The following C2CD3 variants were observed in gnomAD, a reference collection of about 807,000 sequenced individuals.
C2CD3 encodes the protein C2 domain containing 3 centriole elongation regulator.
In C2CD3, 148 loss-of-function variants were observed where a neutral mutation model predicts 234.0. The observed-to-expected ratio is 0.63, with a 90% CI of 0.55 to 0.72. The LOEUF is 0.72. C2CD3 is among the 30% of genes least tolerant of loss of function. The probability of loss-of-function intolerance (pLI) is 0.00; values close to 1 mark genes in which losing one functional copy is unlikely to be tolerated. For missense variants in C2CD3, 2,577 were observed against 2,811.5 expected, an observed-to-expected ratio of 0.92 and a Z score of 1.89; for synonymous variants, 1,000 against 1,035.4, an observed-to-expected ratio of 0.97 and a Z score of 0.66.
intron 20 of C2CD3, among the ~76,000 whole-genome samples, chr11:74,086,299 C>T (rs538855238): frequency 1.7e-4 from 26 of 152,324 alleles, no homozygotes; most frequent in South Asian, 2.1e-4. Context: ...TGTTAGCTGA[C>T]TTGAGTGAGG....
In C2CD3 at chr11:74,114,542, C is replaced by G; in HGVS notation, c.1572G>C (p.Thr524=). The G allele has an allele frequency of 6.2e-7, 1 of 1,613,944 alleles. No homozygotes were observed. Among genetic ancestry groups the G allele is most frequent in the Non-Finnish European group, 8.5e-7 (1 of 1,179,934 alleles). The part of the protein sequence containing the change: ...MLSETPEDAQ[T]MTLSVDRLAL... ...CCAGTCTATCCACACTTAGTGTCAT[C>G]GTTTGGGCATCTTCTGGAGTTTCTG... Residue 524 remains threonine (T), a synonymous_variant, in exon 10 of 33, where the codon ACG becomes ACC. Transcript: ENST00000334126.
intron 3 of C2CD3, among the ~76,000 whole-genome samples, chr11:74,160,137 G>A (rs915699043): frequency 6.6e-6 from 1 of 152,122 alleles, no homozygotes; most frequent in Non-Finnish European, 1.5e-5. Context: ...GTGTATAGTA[G>A]GCTATACCAT....
At chr11:74,115,646 AAAAAGAGCCC>A in intron 9 of C2CD3, among the ~76,000 whole-genome samples, 1 of 152,182 alleles carries the variant, frequency 6.6e-6, no homozygotes, top group East Asian at 1.9e-4. Flanking sequence ...TATGGAACCA[AAAAAGAGCCC>A]ACATAGCCAA....
intron 17 of C2CD3, 103 bp from the exon 18 acceptor site, chr11:74,094,102 G>C: frequency 1.1e-6 from 1 of 904,676 alleles, no homozygotes. Flanking sequence ...TTCCCTAGTA[G>C]TTATGGTTCC....
chr11:74,135,347 A>G (rs1030194969), intron 5 of C2CD3, among the ~76,000 whole-genome samples: 8 of 151,608 alleles, frequency 5.3e-5, no homozygotes. Context: ...GACTCACTGG[A>G]GCCTCGACCT....
chr11:74,044,841 G>A (rs1243857968), intron 28 of C2CD3, among the ~76,000 whole-genome samples: 1 of 151,086 alleles, frequency 6.6e-6, no homozygotes. Flanking sequence ...ATTCGCTTAG[G>A]ATAATGGCCT....
At position 74,103,319 on chromosome 11, in the gene C2CD3, T is replaced by C. The variant is rs1302246678; in HGVS notation, c.2392A>G (p.Thr798Ala). The change falls in exon 14 of 33, where the codon ACA becomes GCA. Residue 798 changes from threonine (T) to alanine (A), a missense_variant. By Grantham distance (58) the Thr-to-Ala change is moderately conservative. Transcript: ENST00000334126. The part of the protein sequence containing the change: ...HNLVNQTNGT[T>A]KESALLLHVL... ...TGCAACAGCAAAGCACTCTCTTTTG[T>C]TGTCCCATTTGTCTGATTGACTAAA... 3 of 1,614,100 alleles carry C rather than the reference T, an allele frequency of 1.9e-6. No individual in the cohort carries two copies. The highest frequency in any genetic ancestry group is 1.1e-5 in the South Asian group (1 of 91,092).
At chr11:74,027,652 TTGTC>T (rs1952358719) in intron 32 of C2CD3, among the ~76,000 whole-genome samples, 1 of 152,192 alleles carries the variant, frequency 6.6e-6, no homozygotes, top group Non-Finnish European at 1.5e-5. Flanking sequence ...GATAGGGAAT[TTGTC>T]TGTCTTATTT....
intron 25 of C2CD3, among the ~76,000 whole-genome samples, chr11:74,055,588 C>G (rs550367407): frequency 6.6e-6 from 1 of 152,308 alleles, no homozygotes; most frequent in Non-Finnish European, 1.5e-5. Context: ...GATTCTAATT[C>G]TAGCTGGGAA....
In C2CD3 at chr11:74,095,219, TA is replaced by T; in HGVS notation, c.3160+8del. The T allele has an allele frequency of 1.2e-6, 2 of 1,600,968 alleles. No individual in the cohort carries two copies. The highest frequency in any genetic ancestry group is 1.1e-5 in the South Asian group (1 of 89,176). ...TATAAGAATAAGAAAGCCTAATATC[TA>T]AACCTACCATTTTCAAGGAACTCAG... is the stretch of plus-strand genomic sequence containing the variant. On this transcript the variant is annotated splice_region_variant and intron_variant, in intron 17 of 32. Coordinates refer to ENST00000334126, the MANE Select transcript of C2CD3 (RefSeq NM_001286577.2).
chr11:74,139,919 CATTCCCTACA>C, intron 3 of C2CD3, 91 bp from the exon 4 acceptor site: 1 of 683,324 alleles, frequency 1.5e-6, no homozygotes, highest in Admixed American at 2.1e-5. Flanking sequence ...TAATGTCCCC[CATTCCCTACA>C]GGATTGTAAG....
At chr11:74,142,010 T>G (rs990348122) in intron 3 of C2CD3, 1 of 152,338 alleles carries the variant, frequency 6.6e-6, no homozygotes, top group Non-Finnish European at 1.5e-5. Flanking sequence ...TCAAAAAAAA[T>G]AACCCCCTCC....
intron 2 of C2CD3, among the ~76,000 whole-genome samples, chr11:74,167,543 T>G (rs1478070030): frequency 6.6e-6 from 1 of 152,238 alleles, no homozygotes; most frequent in Non-Finnish European, 1.5e-5. Context: ...TCAAAAATTT[T>G]TTCTCGAGAG....
rs756237014 is a variant in C2CD3 at position 74,085,922 on chromosome 11, TG to T, written c.3642-37del. On this transcript the variant is annotated intron_variant, in intron 20 of 32. Transcript: ENST00000334126. ...GAAGGGTGGAAATGAGAAGATACCA[TG>T]GTAACATTAGAAATCAGCTTGATTT... 4 of 1,566,842 alleles carry T rather than the reference TG, an allele frequency of 2.6e-6. No individual in the cohort carries two copies. The African/African-American group carries it at 5.5e-5, about 21-fold the overall frequency.
chr11:74,133,829 T>G (rs561399723), intron 5 of C2CD3, among the ~76,000 whole-genome samples: 132 of 152,314 alleles, frequency 8.7e-4, no homozygotes, highest in African/African-American at 3.0e-3. Flanking sequence ...GGTTGTTATA[T>G]CCATATACTG....
At chr11:74,074,150 G>C (rs893540273) in intron 24 of C2CD3, 103 bp downstream of exon 24, 2 of 795,748 alleles carry the variant, frequency 2.5e-6, no homozygotes, top group Non-Finnish European at 4.0e-6. Context: ...ATATTTATCA[G>C]TTGAGATAAT....
At chr11:74,021,397 A>G (rs1232625732) in intron 32 of C2CD3, among the ~76,000 whole-genome samples, 1 of 152,218 alleles carries the variant, frequency 6.6e-6, no homozygotes, top group African/African-American at 2.4e-5. Flanking sequence ...TGAGACATCT[A>G]TTAGATATTC....
intron 11 of C2CD3, among the ~76,000 whole-genome samples, chr11:74,111,412 C>T (rs1275975483): frequency 6.6e-6 from 1 of 152,086 alleles, no homozygotes; most frequent in East Asian, 1.9e-4. Flanking sequence ...GCAGTGAAAA[C>T]TTTATTTCAA....
chr11:74,039,512 T>C (rs1952914916), intron 29 of C2CD3, among the ~76,000 whole-genome samples: 1 of 152,192 alleles, frequency 6.6e-6, no homozygotes, highest in Admixed American at 6.5e-5. Context: ...ATCCTAGACC[T>C]ACTGAATCAG....
Sources: allele counts gnomAD v4.1 joint callset (sites outside exome capture counted in the v4.1 genomes callset), GRCh38; gene constraint gnomAD v4.1.1; transcripts MANE v1.5; gene names NCBI Gene and HGNC (gene_info 2026-07-23, HGNC 2026-07-21).